Variants in MEGF10 observed in about 807,000 individuals in gnomAD.
MEGF10 encodes multiple epidermal growth factor-like domains protein 10.
A neutral mutation model predicts 147.5 loss-of-function variants in MEGF10; 86 were observed. The observed-to-expected ratio is 0.58, with a 90% CI of 0.49 to 0.70. The LOEUF (loss-of-function observed/expected upper bound fraction) is 0.70. Among genes scored for constraint, MEGF10 ranks in the 30% least tolerant of loss-of-function variants. The probability of loss-of-function intolerance (pLI) is 0.00; values close to 1 mark genes in which losing one functional copy is unlikely to be tolerated. For missense variants in MEGF10, 1,329 were observed against 1,487.3 expected (o/e 0.89, Z 1.75); for synonymous variants, 478 against 525.5 (o/e 0.91, Z 1.24).
chr5:127,230,900 A>G, the MEGF10 span, among the ~76,000 whole-genome samples: 1 of 149,094 alleles, frequency 6.7e-6, no homozygotes, highest in Admixed American at 6.6e-5. Context: ...GTCCCTTTCA[A>G]CGCCTTTATT....
chr5:127,267,600 G>A, the MEGF10 span, among the ~76,000 whole-genome samples: 1 of 152,096 alleles, frequency 6.6e-6, no homozygotes, highest in Non-Finnish European at 1.5e-5. Context: ...CAATTTCAGA[G>A]CCTGTTATTG....
intron 11 of MEGF10, 92 bp from the exon 12 acceptor site, chr5:127,419,952 G>A (rs146358728): frequency 1.4e-6 from 2 of 1,409,820 alleles, no homozygotes; most frequent in East Asian, 4.7e-5. Context: ...CATCTCCAAG[G>A]CGTTTCTAAA....
intron 1 of MEGF10, among the ~76,000 whole-genome samples, chr5:127,306,677 C>T (rs151097298): frequency 0.012 from 1,901 of 152,300 alleles, 20 homozygotes; most frequent in Non-Finnish European, 0.019. Context: ...AAGATGCTCG[C>T]GGGTGGTTAG....
intron 1 of MEGF10, among the ~76,000 whole-genome samples, chr5:127,325,193 T>C (rs753274544): frequency 2.6e-5 from 4 of 152,184 alleles, no homozygotes; most frequent in Non-Finnish European, 4.4e-5. Flanking sequence ...CCTTCATAGC[T>C]CTTGTTGGCT....
chr5:127,451,523 G>A (rs1257099250), intron 22 of MEGF10, among the ~76,000 whole-genome samples: 1 of 152,096 alleles, frequency 6.6e-6, no homozygotes, highest in African/African-American at 2.4e-5. Flanking sequence ...GACTTTTTAG[G>A]AGTCTTAATT....
the MEGF10 span, among the ~76,000 whole-genome samples, chr5:127,245,246 T>A: frequency 6.6e-6 from 1 of 152,042 alleles, no homozygotes; most frequent in Non-Finnish European, 1.5e-5. Flanking sequence ...ATGCTACTGG[T>A]ACCAAAACAG....
rs116390170 is a variant in MEGF10 at position 127,424,431 on chromosome 5, G to A, written c.1693+1659G>A. 5.7e-4 allele frequency: 592 copies of A among 1,038,152 alleles called. 4 individuals are homozygous for A. In the African/African-American group the frequency reaches 8.3e-3, roughly 15 times the overall value. 64.3% of individuals were successfully genotyped at this position (1,038,152 alleles called of 1,614,324 possible). Reference sequence around the variant, plus strand: ...CAAAGAAGCAAGGTGGAAATTTAATGGAGATTGAATCTATAGATCAATTTG... The same window carrying A: ...CAAAGAAGCAAGGTGGAAATTTAATAGAGATTGAATCTATAGATCAATTTG... On this transcript the variant is annotated intron_variant, in intron 13 of 24. Coordinates refer to ENST00000503335, the MANE Select transcript of MEGF10 (RefSeq NM_001256545.2).
At position 127,440,733 on chromosome 5, in the gene MEGF10, C is replaced by T; in HGVS notation, c.2234-6C>T. ...TTGACTCCTACTGTCCTCCCTCCTC[C>T]CACAGGATGTCCTCTAGGGTTTTAT... On this transcript the variant is annotated splice_polypyrimidine_tract_variant and splice_region_variant and intron_variant, in intron 17 of 24. Coordinates refer to ENST00000503335, the MANE Select transcript of MEGF10 (RefSeq NM_001256545.2). 1.2e-6 allele frequency: 2 copies of T among 1,613,722 alleles called. No individual in the cohort carries two copies.
chr5:127,420,469 T>A lies in MEGF10; in HGVS notation c.1590+262T>A, dbSNP rs74823398. On this transcript the variant is annotated intron_variant, in intron 12 of 24. Transcript: ENST00000503335. ...TTCAGTTTCCTCAACCCCCACCCTT[T>A]ACTTTCTGTTTCTTATTCACCCATC... Among the ~76,000 whole-genome samples, 2,088 of 152,190 alleles carry A rather than the reference T, an allele frequency of 0.014. 29 individuals are homozygous for A. Among genetic ancestry groups the A allele is most frequent in the East Asian group, 0.049 (255 of 5,158 alleles).
intron 5 of MEGF10, among the ~76,000 whole-genome samples, chr5:127,374,189 G>A (rs141895407): frequency 1.3e-5 from 2 of 152,342 alleles, no homozygotes; most frequent in Non-Finnish European, 2.9e-5. Flanking sequence ...TACTGGAGCA[G>A]CTATTGGCAC....
chr5:127,391,084 A>ATGTG (rs146867870), intron 5 of MEGF10, among the ~76,000 whole-genome samples: 1 of 93,542 alleles, frequency 1.1e-5, no homozygotes, highest in African/African-American at 3.2e-5. Context: ...ATACATACAC[A>ATGTG]CATGCGCGCG....
At chr5:127,437,493 C>T (rs1045484721) in intron 16 of MEGF10, among the ~76,000 whole-genome samples, 1 of 152,108 alleles carries the variant, frequency 6.6e-6, no homozygotes, top group Non-Finnish European at 1.5e-5. Flanking sequence ...TTTATAGGTC[C>T]ACATTCCCTA....
At chr5:127,410,259 C>A (rs556258337) in intron 8 of MEGF10, 130 bp from the exon 9 acceptor site, 2 of 769,690 alleles carry the variant, frequency 2.6e-6, no homozygotes, top group Non-Finnish European at 2.2e-6. Flanking sequence ...TGTAATGGGA[C>A]AATCACTAAA....
rs77147538 is a variant in MEGF10 at position 127,439,236 on chromosome 5, A to T, written c.2233+669A>T. ...CATGATAGGATATAGTGTGCAAAGT[A>T]CTTACTCCAAAGCTGAGCATCATTG... On this transcript the variant is annotated intron_variant, in intron 17 of 24. Transcript: ENST00000503335. Among the ~76,000 whole-genome samples the T allele has an allele frequency of 3.2e-3, 485 of 152,326 alleles. 6 individuals are homozygous for T. The highest frequency in any genetic ancestry group is 0.011 in the African/African-American group (462 of 41,576).
chr5:127,355,722 C>T (rs1762255542), intron 4 of MEGF10, among the ~76,000 whole-genome samples: 1 of 152,162 alleles, frequency 6.6e-6, no homozygotes, highest in African/African-American at 2.4e-5. Context: ...TGTTGCTTTA[C>T]TGATTGACAA....
chr5:127,436,372 G>A (rs1450510406), intron 16 of MEGF10, among the ~76,000 whole-genome samples: 3 of 152,092 alleles, frequency 2.0e-5, no homozygotes, highest in Non-Finnish European at 4.4e-5. Context: ...AGTAGTCCAG[G>A]CTGTACCCCA....
At chr5:127,436,478 G>T (rs574729349) in intron 16 of MEGF10, among the ~76,000 whole-genome samples, 1 of 152,244 alleles carries the variant, frequency 6.6e-6, no homozygotes, top group South Asian at 2.1e-4. Context: ...CCATTCTGGG[G>T]GCATCACTTC....
intron 2 of MEGF10, among the ~76,000 whole-genome samples, chr5:127,331,835 A>G (rs1465393209): frequency 6.6e-6 from 1 of 152,186 alleles, no homozygotes; most frequent in African/African-American, 2.4e-5. Context: ...ATTTAAAAGA[A>G]TTTTGCTGTA....
intron 5 of MEGF10, among the ~76,000 whole-genome samples, chr5:127,377,510 G>T (rs929881792): frequency 6.6e-6 from 1 of 152,174 alleles, no homozygotes; most frequent in African/African-American, 2.4e-5. Context: ...AATATACTTG[G>T]CAGTAGTGAA....
Sources: gnomAD v4.1 joint callset for allele counts (sites outside exome capture counted in the v4.1 genomes callset) on GRCh38, gnomAD v4.1.1 for gene constraint, MANE v1.5 for transcripts, NCBI Gene and HGNC (gene_info 2026-07-23, HGNC 2026-07-21) for gene names.